KCNT2: variants seen among roughly 807,000 people sequenced by gnomAD.
The protein encoded by KCNT2 is potassium sodium-activated channel subfamily T member 2.
KCNT2 carries 67 observed loss-of-function variants against 153.8 expected under a neutral mutation model. That is an observed-to-expected ratio of 0.44 (90% CI 0.36 to 0.53). KCNT2 has a LOEUF of 0.53. Among genes scored for constraint, KCNT2 ranks in the 20% least tolerant of loss-of-function variants. The probability of loss-of-function intolerance (pLI) is 0.00; values close to 1 mark genes in which losing one functional copy is unlikely to be tolerated. For synonymous variants in KCNT2, 500 were observed against 458.8 expected, an observed-to-expected ratio of 1.09 and a Z score of -1.15; for missense variants, 975 against 1,354.8, an observed-to-expected ratio of 0.72 and a Z score of 4.40.
chr1:196,230,548 G>A (rs897775799), intron 27 of KCNT2, among the ~76,000 whole-genome samples: 11 of 151,920 alleles, frequency 7.2e-5, no homozygotes, highest in African/African-American at 2.7e-4. Context: ...TTCATGATTC[G>A]TGGGATGAGG....
chr1:196,589,395 G>C (rs1663074664), intron 1 of KCNT2, among the ~76,000 whole-genome samples: 1 of 151,964 alleles, frequency 6.6e-6, no homozygotes, highest in South Asian at 2.1e-4. Flanking sequence ...AGTATTTGTA[G>C]TCTAGAGGTG....
At chr1:196,255,555 G>A (rs950994282) in intron 26 of KCNT2, among the ~76,000 whole-genome samples, 3 of 151,774 alleles carry the variant, frequency 2.0e-5, no homozygotes, top group African/African-American at 4.8e-5. Flanking sequence ...ATATTACTGA[G>A]CATATAACGC....
intron 1 of KCNT2, among the ~76,000 whole-genome samples, chr1:196,586,395 A>G (rs1027159669): frequency 6.6e-5 from 10 of 152,070 alleles, no homozygotes; most frequent in Non-Finnish European, 2.9e-5. Flanking sequence ...TAAACTCTTG[A>G]TTTAAAGTTT....
intron 1 of KCNT2, among the ~76,000 whole-genome samples, chr1:196,540,365 T>C (rs1016346645): frequency 2.0e-5 from 3 of 152,156 alleles, no homozygotes; most frequent in Non-Finnish European, 4.4e-5. Flanking sequence ...AGGGACCATG[T>C]TTGGGGAAAA....
chr1:196,438,593 A>G (rs577928283), intron 8 of KCNT2, among the ~76,000 whole-genome samples: 7 of 152,046 alleles, frequency 4.6e-5, no homozygotes, highest in East Asian at 1.9e-4. Flanking sequence ...GACTGCCATC[A>G]TTTACAGAAA....
chr1:196,231,355 C>A (rs896973716), intron 27 of KCNT2, among the ~76,000 whole-genome samples: 1 of 151,826 alleles, frequency 6.6e-6, no homozygotes, highest in African/African-American at 2.4e-5. Flanking sequence ...ACCAATCCTG[C>A]AAAATCTCTG....
chr1:196,598,156 G>A (rs1055835042), intron 1 of KCNT2, among the ~76,000 whole-genome samples: 2 of 152,072 alleles, frequency 1.3e-5, no homozygotes, highest in South Asian at 2.1e-4. Context: ...ATTTTAAAAC[G>A]TCTTAGTAAG....
At chr1:196,245,040 C>T (rs900717695) in intron 26 of KCNT2, among the ~76,000 whole-genome samples, 3 of 152,138 alleles carry the variant, frequency 2.0e-5, no homozygotes, top group African/African-American at 7.2e-5. Context: ...AGAAAAAGAA[C>T]AAGAGTCTCT....
At chr1:196,533,714 A>G (rs1572746286) in intron 1 of KCNT2, among the ~76,000 whole-genome samples, 2 of 152,196 alleles carry the variant, frequency 1.3e-5, no homozygotes, top group South Asian at 2.1e-4. Context: ...TATGTCTTCT[A>G]TTGTGGTTGG....
intron 1 of KCNT2, among the ~76,000 whole-genome samples, chr1:196,513,860 T>C (rs1681839316): frequency 6.6e-6 from 1 of 152,230 alleles, no homozygotes; most frequent in Non-Finnish European, 1.5e-5. Flanking sequence ...GAAATAAAAG[T>C]AAATTCTAAA....
intron 1 of KCNT2, among the ~76,000 whole-genome samples, chr1:196,521,241 G>T (rs1572711510): frequency 6.6e-6 from 1 of 152,134 alleles, no homozygotes; most frequent in Admixed American, 6.5e-5. Flanking sequence ...AAACCACAAT[G>T]ATATACCATC....
chr1:196,320,064 G>C (rs775565407), intron 19 of KCNT2, among the ~76,000 whole-genome samples: 34 of 151,656 alleles, frequency 2.2e-4, no homozygotes, highest in Non-Finnish European at 4.3e-4. Context: ...AATAAATATA[G>C]TATATATGCT....
chr1:196,499,733 T>C (rs537752954), intron 1 of KCNT2, among the ~76,000 whole-genome samples: 214 of 152,352 alleles, frequency 1.4e-3, no homozygotes, highest in African/African-American at 4.7e-3. Flanking sequence ...GTTATGAATT[T>C]AGATTTTATT....
At chr1:196,570,366 C>A (rs1442564606) in intron 1 of KCNT2, among the ~76,000 whole-genome samples, 3 of 151,922 alleles carry the variant, frequency 2.0e-5, no homozygotes, top group African/African-American at 7.3e-5. Context: ...GTAAACCTGA[C>A]TTTAAAACAA....
chr1:196,232,309 A>G (rs533133316), intron 27 of KCNT2, among the ~76,000 whole-genome samples: 4 of 151,750 alleles, frequency 2.6e-5, no homozygotes, highest in Non-Finnish European at 5.9e-5. Context: ...TTCTTCATTT[A>G]AAACAAACTT....
intron 26 of KCNT2, among the ~76,000 whole-genome samples, chr1:196,250,989 T>G (rs1407323719): frequency 6.6e-6 from 1 of 152,164 alleles, no homozygotes; most frequent in Admixed American, 6.6e-5. Flanking sequence ...GACGAGGATA[T>G]GGAGTAAAGG....
intron 3 of KCNT2, among the ~76,000 whole-genome samples, chr1:196,483,518 A>C (rs1392845658): frequency 6.6e-6 from 1 of 152,186 alleles, no homozygotes; most frequent in East Asian, 1.9e-4. Flanking sequence ...CGTTAGAATA[A>C]AGTTCAAAAC....
chr1:196,379,057 T>C (rs1025892962), intron 13 of KCNT2, among the ~76,000 whole-genome samples: 36 of 152,082 alleles, frequency 2.4e-4, no homozygotes, highest in African/African-American at 8.7e-4. Context: ...GTTTGTCTGA[T>C]GGGACAATGT....
At chr1:196,523,873 G>A (rs544136342) in intron 1 of KCNT2, among the ~76,000 whole-genome samples, 2 of 152,228 alleles carry the variant, frequency 1.3e-5, no homozygotes, top group Non-Finnish European at 2.9e-5. Flanking sequence ...TACCTACTTT[G>A]TTTTGTAAAA....
Sources: gnomAD v4.1 joint callset for allele counts (sites outside exome capture counted in the v4.1 genomes callset) on GRCh38, gnomAD v4.1.1 for gene constraint, MANE v1.5 for transcripts, NCBI Gene and HGNC (gene_info 2026-07-23, HGNC 2026-07-21) for gene names.